TENM1: variants seen among roughly 807,000 people sequenced by gnomAD.
TENM1 encodes the protein teneurin transmembrane protein 1.
A neutral mutation model predicts 174.8 loss-of-function variants in TENM1; 35 were observed. That is an observed-to-expected ratio of 0.20 (90% CI 0.15 to 0.27). TENM1 has a LOEUF of 0.27. Among genes scored for constraint, TENM1 ranks in the 10% least tolerant of loss-of-function variants. The pLI, the probability that TENM1 is intolerant of heterozygous loss-of-function variation, is 1.00. For missense variants in TENM1, 1,633 were observed against 2,130.1 expected, an observed-to-expected ratio of 0.77 and a Z score of 4.59; for synonymous variants, 781 against 798.7, an observed-to-expected ratio of 0.98 and a Z score of 0.37.
intron 18 of TENM1, among the ~76,000 whole-genome samples, chrX:124,509,074 AAC>A (rs3028390): frequency 9.2e-5 from 10 of 108,177 alleles, no homozygotes; most frequent in Admixed American, 2.0e-4. Flanking sequence ...TAAAACAAAT[AAC>A]ACACACACAC....
At chrX:125,081,581 A>G in the TENM1 span, among the ~76,000 whole-genome samples, 1 of 111,163 alleles carries the variant, frequency 9.0e-6, no homozygotes, top group Non-Finnish European at 1.9e-5. Flanking sequence ...AGTTATATAG[A>G]TTTTTAGCTT....
At chrX:124,737,030 G>T (rs374386547) in exon 4 of TENM1, 3 of 1,211,575 alleles carry the variant, frequency 2.5e-6, no homozygotes, top group Non-Finnish European at 2.2e-6. Flanking sequence ...GTGCTGGTTG[G>T]GGGAGCTGGA....
At chrX:125,088,909 C>A in the TENM1 span, among the ~76,000 whole-genome samples, 1 of 111,270 alleles carries the variant, frequency 9.0e-6, no homozygotes, top group Non-Finnish European at 1.9e-5. Flanking sequence ...TGAGTCAAAT[C>A]ATAGCTTCAA....
chrX:124,998,509 C>T, the TENM1 span, among the ~76,000 whole-genome samples: 5 of 109,624 alleles, frequency 4.6e-5, no homozygotes, highest in African/African-American at 9.9e-5. Flanking sequence ...ATAGTATTAA[C>T]GATGATAGCA....
intron 4 of TENM1, among the ~76,000 whole-genome samples, chrX:124,722,230 G>T (rs1036390190): frequency 8.9e-6 from 1 of 112,230 alleles, no homozygotes; most frequent in Non-Finnish European, 1.9e-5. Context: ...TTGATATTTT[G>T]ATAGTTTGAA....
At chrX:125,178,247 G>C in the TENM1 span, among the ~76,000 whole-genome samples, 1 of 111,622 alleles carries the variant, frequency 9.0e-6, no homozygotes, top group Non-Finnish European at 1.9e-5. Flanking sequence ...GGAACTGCAA[G>C]CTGACAAGTA....
intron 6 of TENM1, among the ~76,000 whole-genome samples, chrX:124,668,413 G>A (rs983327009): frequency 8.0e-5 from 9 of 111,817 alleles, no homozygotes; most frequent in East Asian, 5.6e-4. Context: ...TGTTTACTGC[G>A]GCACTATTCA....
chrX:124,903,222 C>T (rs2057691976), intron 1 of TENM1, among the ~76,000 whole-genome samples: 1 of 111,729 alleles, frequency 9.0e-6, no homozygotes, highest in South Asian at 3.7e-4. Flanking sequence ...TGTCAGTATA[C>T]GGAAAAGCAT....
chrX:125,001,877 A>G, the TENM1 span, among the ~76,000 whole-genome samples: 1 of 105,026 alleles, frequency 9.5e-6, no homozygotes, highest in African/African-American at 3.5e-5. Context: ...ACACACACAC[A>G]CACACACACA....
At chrX:125,162,377 C>G in the TENM1 span, among the ~76,000 whole-genome samples, 9 of 112,388 alleles carry the variant, frequency 8.0e-5, no homozygotes, top group Non-Finnish European at 1.7e-4. Context: ...TCCTCAGTAA[C>G]TCACTCACTG....
intron 20 of TENM1, among the ~76,000 whole-genome samples, chrX:124,489,529 T>C (rs775682013): frequency 2.8e-4 from 31 of 111,447 alleles, no homozygotes; most frequent in Non-Finnish European, 4.5e-4. Flanking sequence ...TCACTTCCCA[T>C]TTTTCCCCTC....
chrX:125,097,249 T>G, the TENM1 span, among the ~76,000 whole-genome samples: 1 of 112,028 alleles, frequency 8.9e-6, no homozygotes, highest in East Asian at 2.8e-4. Flanking sequence ...CTGCTCCTTT[T>G]TTTTTAACCC....
chrX:124,584,956 T>G (rs763142105), intron 11 of TENM1, among the ~76,000 whole-genome samples: 1,227 of 109,000 alleles, frequency 0.011, 14 homozygotes, highest in African/African-American at 0.039. Flanking sequence ...TACATAATGG[T>G]AAAGGGATCA....
At chrX:124,406,639 G>A (rs1000698636) in intron 25 of TENM1, 150 bp from the exon 29 acceptor site, 1 of 403,654 alleles carries the variant, frequency 2.5e-6, no homozygotes, top group African/African-American at 2.5e-5. Context: ...AAAGGTCAGA[G>A]AGATGATTAA....
At chrX:125,083,225 C>T in the TENM1 span, among the ~76,000 whole-genome samples, 3 of 111,317 alleles carry the variant, frequency 2.7e-5, no homozygotes, top group African/African-American at 9.8e-5. Flanking sequence ...AGCTCAACAT[C>T]TCCTGGAGTC....
chrX:125,070,600 T>C, the TENM1 span, among the ~76,000 whole-genome samples: 1 of 111,739 alleles, frequency 8.9e-6, no homozygotes, highest in Non-Finnish European at 1.9e-5. Flanking sequence ...GACATGTTTG[T>C]CTGTCTCTGT....
intron 3 of TENM1, among the ~76,000 whole-genome samples, chrX:124,761,840 A>C (rs1392295341): frequency 2.7e-5 from 3 of 112,101 alleles, no homozygotes; most frequent in Non-Finnish European, 5.6e-5. Flanking sequence ...GTATTCTATA[A>C]TATAAATGGA....
At chrX:124,558,577 T>G (rs2048744000) in intron 14 of TENM1, among the ~76,000 whole-genome samples, 1 of 111,341 alleles carries the variant, frequency 9.0e-6, no homozygotes, top group Non-Finnish European at 1.9e-5. Context: ...TTTAACTAAA[T>G]GAAACCAGCC....
chrX:125,145,009 A>G, the TENM1 span, among the ~76,000 whole-genome samples: 1 of 111,003 alleles, frequency 9.0e-6, no homozygotes, highest in Non-Finnish European at 1.9e-5. Flanking sequence ...CAGCCTCCCA[A>G]AGTGCTAGGA....
Sources: gnomAD v4.1 joint callset for allele counts (sites outside exome capture counted in the v4.1 genomes callset) on GRCh38, gnomAD v4.1.1 for gene constraint, MANE v1.5 for transcripts, NCBI Gene and HGNC (gene_info 2026-07-23, HGNC 2026-07-21) for gene names.